GALNT13: variants seen among roughly 807,000 people sequenced by gnomAD.
The protein encoded by GALNT13 is UDP-GalNAc:polypeptide N-acetylgalactosaminyltransferase 13.
A neutral mutation model predicts 64.2 loss-of-function variants in GALNT13; 28 were observed. That is an observed-to-expected ratio of 0.44 (90% confidence interval 0.32 to 0.60). The LOEUF (loss-of-function observed/expected upper bound fraction) is 0.60. Ranked by LOEUF, GALNT13 falls within the 20% of genes least tolerant of loss-of-function variation. The pLI is 0.05. For missense variants in GALNT13, 577 were observed against 669.8 expected (o/e 0.86, Z 1.53); for synonymous variants, 214 against 224.6 (o/e 0.95, Z 0.42).
the GALNT13 span, among the ~76,000 whole-genome samples, chr2:153,418,663 G>C: frequency 1.3e-5 from 2 of 152,154 alleles, no homozygotes; most frequent in Non-Finnish European, 2.9e-5. Context: ...TTGGTAGATG[G>C]ACTATAGAGA....
In GALNT13 at chr2:153,948,993, A is replaced by C. The variant is rs547599270; in HGVS notation, c.142+4354A>C. Reference sequence around the variant, plus strand: ...CCTGCACATGTGCCCCTGAACTTAAAATAAAAGTTAAACAAATTATAACAT... The same window carrying C: ...CCTGCACATGTGCCCCTGAACTTAACATAAAAGTTAAACAAATTATAACAT... On this transcript the variant is annotated intron_variant, in intron 3 of 12. Coordinates refer to ENST00000392825, the MANE Select transcript of GALNT13 (RefSeq NM_052917.4). Among the ~76,000 whole-genome samples, 3 of 98,834 alleles carry C rather than the reference A, an allele frequency of 3.0e-5. No individual in the cohort carries two copies. In the East Asian group the frequency reaches 6.6e-4, roughly 22 times the overall value. 64.8% of individuals were successfully genotyped at this position (98,834 alleles called of 152,430 possible).
chr2:153,075,790 G>A, the GALNT13 span, among the ~76,000 whole-genome samples: 4 of 151,994 alleles, frequency 2.6e-5, no homozygotes, highest in African/African-American at 9.7e-5. Flanking sequence ...ATATTTTGCA[G>A]TCTATCCTTC....
intron 3 of GALNT13, among the ~76,000 whole-genome samples, chr2:154,055,623 A>T (rs1699858310): frequency 6.6e-6 from 1 of 152,086 alleles, no homozygotes; most frequent in African/African-American, 2.4e-5. Context: ...TAGAGAAGAG[A>T]TGCTGTTCTA....
the GALNT13 span, chr2:153,478,587 C>A: frequency 1.2e-5 from 18 of 1,525,708 alleles, no homozygotes; most frequent in Non-Finnish European, 1.6e-5. Context: ...GCGGGCGCCG[C>A]GAGCGGCGCG....
the GALNT13 span, among the ~76,000 whole-genome samples, chr2:153,343,606 A>G: frequency 6.6e-6 from 1 of 152,214 alleles, no homozygotes; most frequent in African/African-American, 2.4e-5. Context: ...CCTCTAACAG[A>G]TTGGATATTT....
the GALNT13 span, among the ~76,000 whole-genome samples, chr2:153,252,484 C>G: frequency 1.3e-5 from 2 of 148,908 alleles, no homozygotes; most frequent in African/African-American, 5.0e-5. Flanking sequence ...AATTAGATCC[C>G]ATTTGTCAAT....
At chr2:153,255,165 C>G in the GALNT13 span, among the ~76,000 whole-genome samples, 1 of 150,582 alleles carries the variant, frequency 6.6e-6, no homozygotes, top group Non-Finnish European at 1.5e-5. Flanking sequence ...GTATTGGGTG[C>G]ATATATATTT....
At chr2:153,200,467 G>A in the GALNT13 span, among the ~76,000 whole-genome samples, 1 of 152,160 alleles carries the variant, frequency 6.6e-6, no homozygotes, top group African/African-American at 2.4e-5. Context: ...TTTGTGTCAG[G>A]TCCGGCCAGG....
At chr2:154,200,478 T>C (rs1559020919) in intron 4 of GALNT13, among the ~76,000 whole-genome samples, 1 of 152,152 alleles carries the variant, frequency 6.6e-6, no homozygotes, top group Admixed American at 6.6e-5. Flanking sequence ...TAGACTAATT[T>C]ATAAATAACA....
chr2:153,274,118 G>T, the GALNT13 span, among the ~76,000 whole-genome samples: 4 of 152,208 alleles, frequency 2.6e-5, no homozygotes, highest in East Asian at 7.7e-4. Context: ...CAGGATAATC[G>T]CTGGAACCTG....
At chr2:153,296,261 A>G in the GALNT13 span, among the ~76,000 whole-genome samples, 1 of 152,172 alleles carries the variant, frequency 6.6e-6, no homozygotes. Context: ...CAACCAACAC[A>G]GGTGCCTGGA....
chr2:153,467,540 A>T, the GALNT13 span, among the ~76,000 whole-genome samples: 1 of 152,106 alleles, frequency 6.6e-6, no homozygotes, highest in East Asian at 1.9e-4. Context: ...AATCTAGATT[A>T]GCATAAGAAC....
At chr2:154,089,830 T>C (rs1223933111) in intron 3 of GALNT13, among the ~76,000 whole-genome samples, 1 of 148,850 alleles carries the variant, frequency 6.7e-6, no homozygotes, top group African/African-American at 2.5e-5. Flanking sequence ...TTTTTTTTGG[T>C]ATAACCTTCA....
chr2:153,491,833 G>T, the GALNT13 span, among the ~76,000 whole-genome samples: 1 of 151,902 alleles, frequency 6.6e-6, no homozygotes, highest in East Asian at 1.9e-4. Context: ...TGGCCAGGCT[G>T]GACTCGAACT....
intron 3 of GALNT13, among the ~76,000 whole-genome samples, chr2:154,131,276 T>C (rs1313680904): frequency 6.6e-6 from 1 of 152,158 alleles, no homozygotes; most frequent in Non-Finnish European, 1.5e-5. Flanking sequence ...TAATGTGTAT[T>C]AGTAGAATAT....
At chr2:153,767,076 G>A in the GALNT13 span, among the ~76,000 whole-genome samples, 1 of 152,170 alleles carries the variant, frequency 6.6e-6, no homozygotes, top group Admixed American at 6.5e-5. Flanking sequence ...TACCCAAAAG[G>A]TAATTTTTCA....
At chr2:153,668,828 C>A in the GALNT13 span, among the ~76,000 whole-genome samples, 2 of 152,120 alleles carry the variant, frequency 1.3e-5, no homozygotes, top group South Asian at 4.1e-4. Context: ...GGATTCCAGG[C>A]TGTCCAGAGG....
chr2:153,193,250 C>T, the GALNT13 span, among the ~76,000 whole-genome samples: 2 of 151,616 alleles, frequency 1.3e-5, no homozygotes, highest in African/African-American at 4.9e-5. Context: ...ATATATACAC[C>T]ATGGAATACT....
intron 4 of GALNT13, among the ~76,000 whole-genome samples, chr2:154,169,131 G>A (rs1685207476): frequency 6.6e-6 from 1 of 151,986 alleles, no homozygotes; most frequent in African/African-American, 2.4e-5. Flanking sequence ...ACCACCACAG[G>A]GGACATTAAT....
Sources: gnomAD v4.1 joint callset for allele counts (sites outside exome capture counted in the v4.1 genomes callset) on GRCh38, gnomAD v4.1.1 for gene constraint, MANE v1.5 for transcripts, NCBI Gene and HGNC (gene_info 2026-07-23, HGNC 2026-07-21) for gene names.